The following CTNNA3 variants were observed in gnomAD, a reference collection of about 807,000 sequenced individuals.
CTNNA3 encodes the protein catenin alpha-3.
A neutral mutation model predicts 95.7 loss-of-function variants in CTNNA3; 76 were observed. The observed-to-expected ratio is 0.79, with a 90% CI of 0.66 to 0.96. The LOEUF is 0.96. Ranked by LOEUF, CTNNA3 falls within the 40% of genes least tolerant of loss-of-function variation. The pLI, the probability that CTNNA3 is intolerant of heterozygous loss-of-function variation, is 0.00. For missense variants in CTNNA3, 1,191 were observed against 1,089.8 expected (o/e 1.09, Z -1.31); for synonymous variants, 431 against 374.4 (o/e 1.15, Z -1.74).
chr10:66,313,064 GAA>G, intron 12 of CTNNA3, among the ~76,000 whole-genome samples: 1 of 152,302 alleles, frequency 6.6e-6, no homozygotes. Flanking sequence ...TCTAGATTGA[GAA>G]GAGAGAGAGT....
At chr10:66,199,417 T>C (rs1169914873) in intron 13 of CTNNA3, among the ~76,000 whole-genome samples, 1 of 151,966 alleles carries the variant, frequency 6.6e-6, no homozygotes, top group East Asian at 1.9e-4. Flanking sequence ...GGGAATGCAT[T>C]TGTGTATATT....
At chr10:67,292,309 A>G (rs553485550) in intron 5 of CTNNA3, among the ~76,000 whole-genome samples, 12 of 152,196 alleles carry the variant, frequency 7.9e-5, no homozygotes, top group African/African-American at 2.9e-4. Context: ...TCTCATTTCT[A>G]TGGCTGGATG....
chr10:66,421,659 C>G (rs921982117), intron 11 of CTNNA3, among the ~76,000 whole-genome samples: 2 of 150,610 alleles, frequency 1.3e-5, no homozygotes, highest in Admixed American at 6.6e-5. Flanking sequence ...ATAGTGAAAC[C>G]CTGTCTCTAC....
At chr10:66,925,989 C>T in intron 7 of CTNNA3, 1 of 456,724 alleles carries the variant, frequency 2.2e-6, no homozygotes, top group Non-Finnish European at 4.4e-6. Flanking sequence ...ATGTTCTTCA[C>T]CACTGGGGGC....
chr10:67,406,981 C>T (rs1440471637), intron 5 of CTNNA3, among the ~76,000 whole-genome samples: 1 of 152,154 alleles, frequency 6.6e-6, no homozygotes, highest in East Asian at 1.9e-4. Flanking sequence ...CTTAACTCTA[C>T]CAGAGGTACA....
At chr10:67,751,034 T>C (rs564696367) in intron 1 of CTNNA3, 2 of 1,529,224 alleles carry the variant, frequency 1.3e-6, no homozygotes, top group South Asian at 2.2e-5. Context: ...TTCTGATCCA[T>C]TTCCATATCC....
intron 13 of CTNNA3, among the ~76,000 whole-genome samples, chr10:66,184,303 A>AG (rs760449209): frequency 6.6e-6 from 1 of 152,152 alleles, no homozygotes; most frequent in Admixed American, 6.5e-5. Flanking sequence ...TGTCTCAAAA[A>AG]CAAAAAAAGA....
chr10:66,801,127 G>A (rs1475854610), intron 7 of CTNNA3, among the ~76,000 whole-genome samples: 5 of 151,262 alleles, frequency 3.3e-5, no homozygotes, highest in African/African-American at 9.7e-5. Context: ...TAAGCTGGAG[G>A]TCTTAGTCAA....
chr10:66,624,537 G>A (rs143570364), intron 9 of CTNNA3, among the ~76,000 whole-genome samples: 1 of 152,230 alleles, frequency 6.6e-6, no homozygotes, highest in African/African-American at 2.4e-5. Flanking sequence ...GCAGGGGATG[G>A]GATACAAACA....
intron 2 of CTNNA3, among the ~76,000 whole-genome samples, chr10:67,639,309 G>A (rs550133232): frequency 6.6e-6 from 1 of 152,258 alleles, no homozygotes; most frequent in East Asian, 1.9e-4. Flanking sequence ...AAACCAGGAA[G>A]AAGTTGAATC....
chr10:65,982,571 T>C (rs1440937107), intron 16 of CTNNA3, among the ~76,000 whole-genome samples: 1 of 150,768 alleles, frequency 6.6e-6, no homozygotes, highest in African/African-American at 2.4e-5. Flanking sequence ...AGCAGCACAA[T>C]TTGCAATTGC....
chr10:67,723,953 G>A (rs1841194066), intron 1 of CTNNA3, among the ~76,000 whole-genome samples: 1 of 152,130 alleles, frequency 6.6e-6, no homozygotes, highest in African/African-American at 2.4e-5. Flanking sequence ...AACCAATGGG[G>A]ACGAGGAGCT....
At chr10:66,756,625 C>A (rs1839369753) in intron 9 of CTNNA3, among the ~76,000 whole-genome samples, 1 of 152,170 alleles carries the variant, frequency 6.6e-6, no homozygotes. Context: ...CCTAACATTG[C>A]TTGCAAGCAG....
intron 5 of CTNNA3, among the ~76,000 whole-genome samples, chr10:67,350,975 C>A (rs1348839310): frequency 1.3e-5 from 2 of 150,568 alleles, no homozygotes; most frequent in Non-Finnish European, 3.0e-5. Flanking sequence ...CCTGCATTCC[C>A]CTCAAATAGA....
chr10:67,032,411 C>T (rs76872923), intron 7 of CTNNA3, among the ~76,000 whole-genome samples: 1,851 of 152,020 alleles, frequency 0.012, 49 homozygotes, highest in African/African-American at 0.042. Context: ...TCATATTTAA[C>T]GGGTTGATTT....
At chr10:66,629,958 G>T (rs542998751) in intron 9 of CTNNA3, among the ~76,000 whole-genome samples, 1 of 152,148 alleles carries the variant, frequency 6.6e-6, no homozygotes, top group African/African-American at 2.4e-5. Context: ...TGAAACTTCT[G>T]CCCACCTAAG....
At chr10:67,316,482 C>T (rs1841055608) in intron 5 of CTNNA3, among the ~76,000 whole-genome samples, 1 of 152,162 alleles carries the variant, frequency 6.6e-6, no homozygotes, top group Admixed American at 6.5e-5. Context: ...TCAACAAAAG[C>T]AAGGCCTTTT....
intron 15 of CTNNA3, among the ~76,000 whole-genome samples, chr10:66,061,865 G>T (rs2080207498): frequency 6.6e-6 from 1 of 152,010 alleles, no homozygotes; most frequent in Admixed American, 6.6e-5. Flanking sequence ...CTAACAGATT[G>T]AACATTTAAC....
chr10:67,062,199 AG>A (rs1855798124), intron 7 of CTNNA3, among the ~76,000 whole-genome samples: 1 of 37,812 alleles, frequency 2.6e-5, no homozygotes, highest in Non-Finnish European at 5.3e-5. Context: ...TAAAACCCAC[AG>A]AGAGTAAATT....
Sources: allele counts gnomAD v4.1 joint callset (sites outside exome capture counted in the v4.1 genomes callset), GRCh38; gene constraint gnomAD v4.1.1; transcripts MANE v1.5; gene names NCBI Gene and HGNC (gene_info 2026-07-23, HGNC 2026-07-21).